Variants in HEATR5B observed in about 807,000 individuals in gnomAD.
The protein encoded by HEATR5B is HEAT repeat containing 5B.
Under a neutral mutation model 224.1 loss-of-function variants are expected in HEATR5B, and 156 were observed. The observed-to-expected ratio is 0.70, with a 90% CI of 0.61 to 0.80. HEATR5B has a LOEUF of 0.80. Ranked by LOEUF, HEATR5B falls within the 30% of genes least tolerant of loss-of-function variation. The pLI is 0.00. For synonymous variants in HEATR5B, 1,027 were observed against 893.0 expected (o/e 1.15, Z -2.68); for missense variants, 2,323 against 2,535.5 (o/e 0.92, Z 1.80).
chr2:36,998,191 G>A (rs1018096872), intron 33 of HEATR5B, among the ~76,000 whole-genome samples: 1 of 152,042 alleles, frequency 6.6e-6, no homozygotes, highest in Non-Finnish European at 1.5e-5. Context: ...TTTGTTTTCA[G>A]TTATTTTATA....
intron 5 of HEATR5B, among the ~76,000 whole-genome samples, chr2:37,072,979 C>T (rs1301374105): frequency 6.6e-6 from 1 of 152,046 alleles, no homozygotes; most frequent in Non-Finnish European, 1.5e-5. Context: ...ATCTTTCCCT[C>T]AAAAAAACTC....
chr2:37,019,102 G>A (rs950254706), intron 26 of HEATR5B, among the ~76,000 whole-genome samples: 3 of 151,916 alleles, frequency 2.0e-5, no homozygotes, highest in Non-Finnish European at 2.9e-5. Flanking sequence ...AGGTTACAGT[G>A]AGCAGAGATC....
intron 7 of HEATR5B, among the ~76,000 whole-genome samples, chr2:37,069,210 C>T (rs17498637): frequency 0.1 from 15,952 of 152,102 alleles, 1,008 homozygotes; most frequent in South Asian, 0.14. Flanking sequence ...CCCCAGTGAT[C>T]GGGAAGGTAA....
In HEATR5B at chr2:37,070,347, G is replaced by T. The variant is rs1410598329; in HGVS notation, c.810C>A (p.Val270=). The T allele has an allele frequency of 6.2e-7, 1 of 1,613,846 alleles. No homozygotes were observed. The highest frequency in any genetic ancestry group is 2.2e-5 in the East Asian group (1 of 44,884). ...GAAATCCTGTGGCCATGAGTTCTAAGACTTCATCAAATGTTGCTCGCTTCA... is the reference window on the plus strand; with the variant it reads ...GAAATCCTGTGGCCATGAGTTCTAATACTTCATCAAATGTTGCTCGCTTCA... ...QNVKRATFDE[V]LELMATGFLR... The change falls in exon 7 of 36, where the codon GTC becomes GTA. Residue 270 remains valine, a synonymous_variant. Coordinates refer to ENST00000233099, the MANE Select transcript of HEATR5B (RefSeq NM_019024.3).
chr2:37,065,522 T>C (rs1671535738), intron 9 of HEATR5B, among the ~76,000 whole-genome samples: 1 of 152,128 alleles, frequency 6.6e-6, no homozygotes, highest in South Asian at 2.1e-4. Context: ...TTGACCAGGA[T>C]GGTCTTGAAC....
Position 36,984,200 on chromosome 2 carries a change from CA to C in HEATR5B, c.5912-2407del, listed in dbSNP as rs1208435239. Among the ~76,000 whole-genome samples the C allele has an allele frequency of 5.3e-3, 154 of 29,022 alleles. 6 individuals are homozygous for C. Among genetic ancestry groups the C allele is most frequent in the East Asian group, 0.031 (24 of 774 alleles). 19.0% of individuals were successfully genotyped at this position (29,022 alleles called of 152,430 possible). On this transcript the variant is annotated intron_variant, in intron 35 of 35. Coordinates refer to ENST00000233099, the MANE Select transcript of HEATR5B (RefSeq NM_019024.3). ...GGGCAACAAGAGTGAAACTCTGTCT[CA>C]AAAAAAAAAAAAAAATATATATATA...
intron 13 of HEATR5B, 126 bp from the exon 14 acceptor site, chr2:37,058,686 G>A (rs1671065193): frequency 1.4e-6 from 1 of 721,298 alleles, no homozygotes; most frequent in Admixed American, 2.7e-5. Context: ...TTTAGCTTAT[G>A]TTGTGATCTT....
At chr2:37,069,008 T>C in intron 7 of HEATR5B, 78 bp from the exon 8 acceptor site, 1 of 1,376,386 alleles carries the variant, frequency 7.3e-7, no homozygotes, top group South Asian at 1.4e-5. Context: ...ACTACTAAAA[T>C]AACTGATAAC....
intron 24 of HEATR5B, among the ~76,000 whole-genome samples, chr2:37,026,971 G>A (rs550797051): frequency 1.1e-3 from 170 of 152,214 alleles, no homozygotes; most frequent in South Asian, 5.2e-3. Context: ...CTAATTTGTT[G>A]TATTTTTAGT....
At chr2:36,983,785 G>A (rs954670965) in intron 35 of HEATR5B, among the ~76,000 whole-genome samples, 1 of 151,770 alleles carries the variant, frequency 6.6e-6, no homozygotes, top group Non-Finnish European at 1.5e-5. Context: ...ATAAAGTAGA[G>A]AATTATAAAA....
intron 21 of HEATR5B, among the ~76,000 whole-genome samples, chr2:37,037,299 C>T (rs780182151): frequency 5.3e-5 from 8 of 151,452 alleles, no homozygotes; most frequent in Middle Eastern, 3.4e-3. Context: ...GTGCACGCCA[C>T]CACGCCCGGC....
chr2:37,043,688 T>C (rs10186611), intron 18 of HEATR5B, among the ~76,000 whole-genome samples: 3,199 of 152,324 alleles, frequency 0.021, 52 homozygotes, highest in South Asian at 0.036. Context: ...CATGGTTAAA[T>C]TCCCAGGATT....
intron 8 of HEATR5B, among the ~76,000 whole-genome samples, chr2:37,068,174 T>C (rs973045999): frequency 6.6e-6 from 1 of 152,190 alleles, no homozygotes; most frequent in Non-Finnish European, 1.5e-5. Context: ...ATTTATTAAA[T>C]TGAAAAATTT....
At chr2:37,065,701 A>G (rs571434494) in intron 9 of HEATR5B, 54 bp downstream of exon 9, 1 of 1,476,846 alleles carries the variant, frequency 6.8e-7, no homozygotes, top group African/African-American at 1.4e-5. Context: ...TATCAATCAC[A>G]CTTATGACTG....
chr2:37,039,880 GA>G (rs1253272250), intron 20 of HEATR5B, among the ~76,000 whole-genome samples: 1 of 152,090 alleles, frequency 6.6e-6, no homozygotes, highest in African/African-American at 2.4e-5. Context: ...CTTCCTCATA[GA>G]AAATTAGCTA....
At chr2:37,029,099 C>T (rs1276788058) in intron 22 of HEATR5B, among the ~76,000 whole-genome samples, 179 bp from the exon 23 acceptor site, 2 of 152,016 alleles carry the variant, frequency 1.3e-5, no homozygotes, top group Non-Finnish European at 2.9e-5. Context: ...TTTAATCTGG[C>T]AATTAGAGTA....
At chr2:36,983,256 C>A (rs566811417) in intron 35 of HEATR5B, among the ~76,000 whole-genome samples, 3 of 151,454 alleles carry the variant, frequency 2.0e-5, no homozygotes, top group African/African-American at 7.3e-5. Flanking sequence ...GGGGTAGGCG[C>A]GGTGGGCTCA....
intron 21 of HEATR5B, among the ~76,000 whole-genome samples, chr2:37,034,441 G>A (rs1295428084): frequency 4.2e-5 from 6 of 141,426 alleles, no homozygotes; most frequent in East Asian, 2.2e-4. Context: ...GTGAAACCCC[G>A]TCTCTACTAA....
intron 26 of HEATR5B, among the ~76,000 whole-genome samples, chr2:37,019,349 C>T (rs1243274105): frequency 6.6e-6 from 1 of 151,862 alleles, no homozygotes; most frequent in Non-Finnish European, 1.5e-5. Flanking sequence ...AATGTTTTGA[C>T]CACAATGTTT....
Sources: gnomAD v4.1 joint callset for allele counts (sites outside exome capture counted in the v4.1 genomes callset) on GRCh38, gnomAD v4.1.1 for gene constraint, MANE v1.5 for transcripts, NCBI Gene and HGNC (gene_info 2026-07-23, HGNC 2026-07-21) for gene names.